RALGPS1: variants seen among roughly 807,000 people sequenced by gnomAD.
The protein encoded by RALGPS1 is Ral GEF with PH domain and SH3 binding motif 1, also known as ras-specific guanine nucleotide-releasing factor RalGPS1.
In RALGPS1, 19 loss-of-function variants were observed where a neutral mutation model predicts 78.8. The observed-to-expected ratio is 0.24, with a 90% CI of 0.17 to 0.35. The LOEUF (loss-of-function observed/expected upper bound fraction) is 0.35, where lower values mean the gene tolerates loss of function less well. Ranked by LOEUF, RALGPS1 falls within the 10% of genes least tolerant of loss-of-function variation. The pLI is 1.00. For missense variants in RALGPS1, 454 were observed against 688.3 expected (o/e 0.66, Z 3.81); for synonymous variants, 228 against 256.3 (o/e 0.89, Z 1.06).
intron 8 of RALGPS1, chr9:127,087,964 C>T (rs2051971201): frequency 6.6e-6 from 1 of 152,556 alleles, no homozygotes; most frequent in African/African-American, 2.4e-5. Context: ...ATCTATACGG[C>T]CGGTGGAGCT....
At chr9:127,201,748 T>G (rs1229925187) in intron 14 of RALGPS1, among the ~76,000 whole-genome samples, 4 of 152,116 alleles carry the variant, frequency 2.6e-5, no homozygotes, top group African/African-American at 9.7e-5. Flanking sequence ...CAAATCCTCC[T>G]ACTCTAATGG....
intron 14 of RALGPS1, among the ~76,000 whole-genome samples, chr9:127,207,883 C>T (rs2130824304): frequency 6.6e-6 from 1 of 152,360 alleles, no homozygotes; most frequent in East Asian, 1.9e-4. Context: ...GCTCTGACTT[C>T]CATAGCCTGG....
chr9:127,028,169 A>G (rs1159022720), intron 4 of RALGPS1, among the ~76,000 whole-genome samples: 2 of 152,168 alleles, frequency 1.3e-5, no homozygotes, highest in Non-Finnish European at 2.9e-5. Flanking sequence ...GGCTGGCCCT[A>G]ACTCAGGTGT....
chr9:127,207,152 C>T (rs1361770553), intron 14 of RALGPS1, among the ~76,000 whole-genome samples: 2 of 152,106 alleles, frequency 1.3e-5, no homozygotes, highest in African/African-American at 2.4e-5. Context: ...TTACTGTCAC[C>T]ACCACCACCA....
chr9:127,076,112 A>G (rs2050657086), intron 8 of RALGPS1, among the ~76,000 whole-genome samples: 1 of 152,274 alleles, frequency 6.6e-6, no homozygotes, highest in South Asian at 2.1e-4. Context: ...GTGTTGAGAA[A>G]TAGTTCAATT....
chr9:126,965,958 G>A lies in RALGPS1; in HGVS notation c.165+7G>A, dbSNP rs2039445705. ...GACCCCAGAGGAGTTTGCTGTAAGT[G>A]AAACAGGGCTGGTGTGGGTGGCTGG... On this transcript the variant is annotated splice_region_variant and intron_variant, in intron 3 of 18. Transcript: ENST00000259351. 6.2e-7 allele frequency: 1 copy of A among 1,610,592 alleles called. No individual in the cohort carries two copies. Among genetic ancestry groups the A allele is most frequent in the Non-Finnish European group, 8.5e-7 (1 of 1,176,848 alleles).
chr9:127,184,645 C>T (rs2060518950), intron 11 of RALGPS1, among the ~76,000 whole-genome samples: 1 of 152,206 alleles, frequency 6.6e-6, no homozygotes, highest in Non-Finnish European at 1.5e-5. Context: ...GTGAAAGTCA[C>T]CGTGTGCACC....
chr9:126,964,582 C>T (rs186938894), intron 2 of RALGPS1, among the ~76,000 whole-genome samples: 4 of 152,286 alleles, frequency 2.6e-5, no homozygotes, highest in African/African-American at 9.6e-5. Flanking sequence ...CAGACAGCAA[C>T]TGGTGTGGAG....
rs2062247694 is a variant in RALGPS1, at chr9:127,211,402, G to A, written c.1248-729G>A. Among the ~76,000 whole-genome samples the A allele has an allele frequency of 6.6e-6, 1 of 152,308 alleles. No individual in the cohort carries two copies. The highest frequency in any genetic ancestry group is 2.4e-5 in the African/African-American group (1 of 41,554). On this transcript the variant is annotated intron_variant, in intron 14 of 18. Transcript: ENST00000259351. The surrounding 1 kb of genome is among the most constrained non-coding windows in gnomAD (Gnocchi z 5.0). ...TGTAGTGGGATGGCGAAGATGGATG[G>A]TCAGACATATTTAGTGCCTGATCCC...
Position 127,218,413 on chromosome 9 carries a change from G to A in RALGPS1, c.1645-327G>A, listed in dbSNP as rs1235850827. 6.6e-6 allele frequency among the ~76,000 whole-genome samples: 1 copy of A among 152,176 alleles called. No homozygotes were observed. The highest frequency in any genetic ancestry group is 1.5e-5 in the Non-Finnish European group (1 of 68,032). ...GATAGGTTAAGAGCATGGGCTCTGG[G>A]TTCTTAGCCCTGCTGCTTACTTGCT... On this transcript the variant is annotated intron_variant, in intron 18 of 18. Transcript: ENST00000259351. The surrounding 1 kb of genome is among the most constrained non-coding windows in gnomAD (Gnocchi z 4.4).
chr9:127,172,417 A>T (rs2059612649), intron 10 of RALGPS1, among the ~76,000 whole-genome samples: 1 of 152,228 alleles, frequency 6.6e-6, no homozygotes, highest in South Asian at 2.1e-4. Flanking sequence ...CTCAGAGTAG[A>T]GGGTTCTGTA....
chr9:127,217,007 G>A, intron 18 of RALGPS1: 1 of 1,526,728 alleles, frequency 6.5e-7, no homozygotes, highest in Middle Eastern at 1.8e-4. Flanking sequence ...CCTGAAGCCT[G>A]GGCACCATGG....
chr9:127,091,129 C>G lies in RALGPS1; in HGVS notation c.610+21773C>G, dbSNP rs184232113. ...TGGAGCCCTCGCTATGTGCCAAATC[C>G]TAGACAAAGCACTTTAGGTACATTC... On this transcript the variant is annotated intron_variant, in intron 8 of 18. Transcript: ENST00000259351. This position sits in a 1 kb window ranked among gnomAD's most constrained non-coding sequence, Gnocchi z 4.3. Among the ~76,000 whole-genome samples the G allele has an allele frequency of 6.6e-5, 10 of 152,238 alleles. 1 individual carries two copies. The highest frequency in any genetic ancestry group is 2.9e-5 in the Non-Finnish European group (2 of 68,030).
intron 8 of RALGPS1, among the ~76,000 whole-genome samples, chr9:127,132,268 T>C (rs1000123747): frequency 6.6e-6 from 1 of 152,202 alleles, no homozygotes; most frequent in African/African-American, 2.4e-5. Flanking sequence ...TTCATTCGAC[T>C]GATTTCATTA....
chr9:127,056,640 T>C (rs951038745), intron 7 of RALGPS1, among the ~76,000 whole-genome samples: 3 of 152,224 alleles, frequency 2.0e-5, no homozygotes, highest in African/African-American at 4.8e-5. Flanking sequence ...GTATTCTTGA[T>C]GCACCTGTCT....
At chr9:127,125,095 A>C (rs2137941496) in intron 8 of RALGPS1, among the ~76,000 whole-genome samples, 1 of 152,148 alleles carries the variant, frequency 6.6e-6, no homozygotes, top group East Asian at 1.9e-4. Flanking sequence ...GGTTGCTCTG[A>C]CCCTCACTTT....
chr9:127,090,706 A>G (rs1434031423), intron 8 of RALGPS1, among the ~76,000 whole-genome samples: 1 of 152,194 alleles, frequency 6.6e-6, no homozygotes, highest in Non-Finnish European at 1.5e-5. Context: ...CACATAGGAA[A>G]TGGAGGCAGG....
At position 127,122,946 on chromosome 9, in the gene RALGPS1, T is replaced by G. The variant is rs1423628501; in HGVS notation, c.611-43123T>G. On this transcript the variant is annotated intron_variant, in intron 8 of 18. Coordinates refer to ENST00000259351, the MANE Select transcript of RALGPS1 (RefSeq NM_014636.3). This position sits in a 1 kb window ranked among gnomAD's most constrained non-coding sequence, Gnocchi z 6.4. ...CCCTGGCCCGCCCTCTCCCCAAAGC[T>G]CAGGCAGCTCCCGCGTGCTGCGAGG... 6.6e-6 allele frequency: 1 copy of G among 152,336 alleles called. No individual in the cohort carries two copies. The highest frequency in any genetic ancestry group is 6.5e-5 in the Admixed American group (1 of 15,296). 9.4% of individuals were successfully genotyped at this position (152,336 alleles called of 1,614,324 possible). A position where few individuals can be genotyped will look rare whatever the true frequency, so the allele number is the denominator to read the frequency against.
Position 127,222,929 on chromosome 9 carries a change from G to C in RALGPS1, c.*4160G>C, listed in dbSNP as rs1409500875. On this transcript the variant is annotated 3_prime_UTR_variant, in exon 19 of 19. Coordinates refer to ENST00000259351, the MANE Select transcript of RALGPS1 (RefSeq NM_014636.3). Reference sequence around the variant, plus strand: ...TTTCTCCAGCAGACCCCTGCATGCAGTTGTGTAAGGACTTTCTCTAATTCT... The same window carrying C: ...TTTCTCCAGCAGACCCCTGCATGCACTTGTGTAAGGACTTTCTCTAATTCT... 6.6e-6 allele frequency: 1 copy of C among 152,656 alleles called. No individual in the cohort carries two copies. Among genetic ancestry groups the C allele is most frequent in the Non-Finnish European group, 1.5e-5 (1 of 68,046 alleles). The allele number at this position is 152,656 out of a possible 1,614,324, so 9.5% of individuals were successfully genotyped here. A position where few individuals can be genotyped will look rare whatever the true frequency, so the allele number is the denominator to read the frequency against.
Sources: gnomAD v4.1 joint callset for allele counts (sites outside exome capture counted in the v4.1 genomes callset) on GRCh38, gnomAD v4.1.1 for gene constraint, Gnocchi (gnomAD v3.1) non-coding constraint, MANE v1.5 for transcripts, NCBI Gene and HGNC (gene_info 2026-07-23, HGNC 2026-07-21) for gene names.